KCNJ6: variants seen among roughly 807,000 people sequenced by gnomAD.
The protein encoded by KCNJ6 is potassium inwardly rectifying channel subfamily J member 6.
A neutral mutation model predicts 34.2 loss-of-function variants in KCNJ6; 9 were observed. The ratio of observed to expected loss-of-function variants is 0.26; its 90% confidence interval spans 0.16 to 0.46. The LOEUF is 0.46. KCNJ6 is among the 20% of genes least tolerant of loss of function. KCNJ6 has a pLI of 1.00. For missense variants in KCNJ6, 236 were observed against 531.3 expected, an observed-to-expected ratio of 0.44 and a Z score of 5.46; for synonymous variants, 196 against 207.1, an observed-to-expected ratio of 0.95 and a Z score of 0.46.
At chr21:37,824,148 C>CA (rs2055387772) in intron 2 of KCNJ6, among the ~76,000 whole-genome samples, 1 of 152,092 alleles carries the variant, frequency 6.6e-6, no homozygotes, top group South Asian at 2.1e-4. Context: ...GTTCTTGACA[C>CA]AAAAAATGCA....
intron 3 of KCNJ6, among the ~76,000 whole-genome samples, chr21:37,706,584 G>A (rs1003652695): frequency 2.6e-5 from 3 of 117,112 alleles, no homozygotes; most frequent in African/African-American, 5.8e-5. Context: ...CATGTAGTGC[G>A]AATGAGAAAT....
intron 1 of KCNJ6, among the ~76,000 whole-genome samples, chr21:37,907,035 C>T (rs906219010): frequency 2.0e-5 from 3 of 152,180 alleles, no homozygotes; most frequent in Admixed American, 1.3e-4. Flanking sequence ...CTATATTTTG[C>T]ACGTTAGAGA....
intron 2 of KCNJ6, among the ~76,000 whole-genome samples, chr21:37,784,255 T>C (rs1248211423): frequency 6.6e-6 from 1 of 152,250 alleles, no homozygotes; most frequent in African/African-American, 2.4e-5. Context: ...CGAGTCTTGC[T>C]GGCTTTTTAT....
chr21:37,818,425 AAC>A (rs1407622668), intron 2 of KCNJ6, among the ~76,000 whole-genome samples: 7 of 152,160 alleles, frequency 4.6e-5, no homozygotes, highest in African/African-American at 1.7e-4. Context: ...GACATTTTAT[AAC>A]ACAATGCCCA....
At chr21:37,765,850 G>C (rs1489922421) in intron 2 of KCNJ6, among the ~76,000 whole-genome samples, 1 of 152,126 alleles carries the variant, frequency 6.6e-6, no homozygotes, top group African/African-American at 2.4e-5. Flanking sequence ...TTTAATTGTA[G>C]AATCAACAAA....
chr21:37,814,920 C>T (rs1430959317), intron 2 of KCNJ6, among the ~76,000 whole-genome samples: 7 of 136,778 alleles, frequency 5.1e-5, no homozygotes, highest in Admixed American at 7.2e-5. Context: ...AAAAAAAGAA[C>T]GAGAATTTTT....
At chr21:37,735,304 C>T (rs953565056) in intron 2 of KCNJ6, among the ~76,000 whole-genome samples, 4 of 152,330 alleles carry the variant, frequency 2.6e-5, no homozygotes, top group East Asian at 1.9e-4. Context: ...TCACCAGAAA[C>T]GGGGACAGCC....
intron 3 of KCNJ6, among the ~76,000 whole-genome samples, chr21:37,713,528 C>G (rs2054773968): frequency 6.6e-6 from 1 of 152,148 alleles, no homozygotes; most frequent in African/African-American, 2.4e-5. Flanking sequence ...AAAAACAGAC[C>G]ATTTTCTCTA....
At chr21:37,853,158 A>C (rs73208114) in intron 1 of KCNJ6, among the ~76,000 whole-genome samples, 1,614 of 151,858 alleles carry the variant, frequency 0.011, 12 homozygotes, top group Non-Finnish European at 0.017. Flanking sequence ...AAAAAAAAAA[A>C]AACAACTACA....
At chr21:37,678,855 G>A (rs946938384) in intron 3 of KCNJ6, among the ~76,000 whole-genome samples, 15 of 152,140 alleles carry the variant, frequency 9.9e-5, no homozygotes, top group African/African-American at 3.6e-4. Flanking sequence ...CTGCTTACAT[G>A]GTTTAAAACA....
intron 3 of KCNJ6, among the ~76,000 whole-genome samples, chr21:37,653,510 G>A (rs2054443514): frequency 6.6e-6 from 1 of 152,122 alleles, no homozygotes; most frequent in South Asian, 2.1e-4. Context: ...ATACTCAAGG[G>A]GGGACGTAGG....
intron 3 of KCNJ6, among the ~76,000 whole-genome samples, chr21:37,642,370 G>A (rs2054384811): frequency 1.3e-5 from 2 of 152,182 alleles, no homozygotes; most frequent in South Asian, 4.1e-4. Context: ...GATCCGGAGA[G>A]CAAAGGGCGG....
At chr21:37,832,713 G>A (rs918311997) in intron 2 of KCNJ6, among the ~76,000 whole-genome samples, 10 of 152,168 alleles carry the variant, frequency 6.6e-5, no homozygotes, top group African/African-American at 2.4e-4. Context: ...ATCTGGTGGG[G>A]GGCGGGGAAG....
rs61218477 is a variant in KCNJ6 at position 37,778,696 on chromosome 21, CGTGT to C, written c.25+61958_25+61961del. ...ATTGTGTGTATCCGTGTGCTGTGTG[CGTGT>C]GTGTGTGTGTGTGTGTGTGTGTTTT... is the stretch of plus-strand genomic sequence containing the variant. On this transcript the variant is annotated intron_variant, in intron 2 of 3. Transcript: ENST00000609713. Among the ~76,000 whole-genome samples, 106 of 146,254 alleles carry C rather than the reference CGTGT, an allele frequency of 7.2e-4. 1 individual carries two copies. The highest frequency in any genetic ancestry group is 1.7e-3 in the African/African-American group (64 of 38,588).
At chr21:37,746,720 C>T (rs1339594918) in intron 2 of KCNJ6, among the ~76,000 whole-genome samples, 5 of 152,174 alleles carry the variant, frequency 3.3e-5, no homozygotes, top group Non-Finnish European at 5.9e-5. Flanking sequence ...GTGCCTGGCA[C>T]ATAACAAGAG....
chr21:37,704,370 A>G (rs567812001), intron 3 of KCNJ6, among the ~76,000 whole-genome samples: 7 of 152,254 alleles, frequency 4.6e-5, no homozygotes, highest in African/African-American at 1.7e-4. Flanking sequence ...TTTTATCACT[A>G]CTTTAGCTTT....
At chr21:37,756,555 T>C (rs2055026129) in intron 2 of KCNJ6, among the ~76,000 whole-genome samples, 2 of 152,198 alleles carry the variant, frequency 1.3e-5, no homozygotes, top group South Asian at 4.1e-4. Context: ...TTTGCAACTG[T>C]GAACCCTGTG....
chr21:37,665,783 T>C (rs748082493), intron 3 of KCNJ6, among the ~76,000 whole-genome samples: 1 of 152,236 alleles, frequency 6.6e-6, no homozygotes, highest in African/African-American at 2.4e-5. Flanking sequence ...TAATTCAAAG[T>C]GTATCTGAGA....
Position 37,613,589 on chromosome 21 carries a change from A to C in KCNJ6, c.*11570T>G, listed in dbSNP as rs2054250464. 1 of 152,230 alleles carries C rather than the reference A, an allele frequency of 6.6e-6. No individual in the cohort carries two copies. The allele number at this position is 152,230 out of a possible 1,614,324, so 9.4% of individuals were successfully genotyped here. A position where few individuals can be genotyped will look rare whatever the true frequency, so the allele number is the denominator to read the frequency against. On this transcript the variant is annotated 3_prime_UTR_variant, in exon 4 of 4. Transcript: ENST00000609713. ...AAAATGGATGAGTGTTTGGTGCTAA[A>C]AAAGTGAGCTCTCAAGCCATAAAAA...
Sources: gnomAD v4.1 joint callset for allele counts (sites outside exome capture counted in the v4.1 genomes callset) on GRCh38, gnomAD v4.1.1 for gene constraint, MANE v1.5 for transcripts, NCBI Gene and HGNC (gene_info 2026-07-23, HGNC 2026-07-21) for gene names.